AQP2: variants seen among roughly 807,000 people sequenced by gnomAD.
The protein encoded by AQP2 is aquaporin 2, also known as aquaporin-2.
Under a neutral mutation model 21.6 loss-of-function variants are expected in AQP2, and 20 were observed. The ratio of observed to expected loss-of-function variants is 0.92; its 90% CI spans 0.65 to 1.34. The LOEUF (loss-of-function observed/expected upper bound fraction) is 1.34. Ranked by LOEUF, AQP2 falls within the 40% of genes most tolerant of loss-of-function variation. The pLI is 0.00. For synonymous variants in AQP2, 168 were observed against 166.9 expected (o/e 1.01, Z -0.05); for missense variants, 325 against 363.4 (o/e 0.89, Z 0.86).
chr12:49,955,490 G>T lies in AQP2; in HGVS notation c.698G>T (p.Arg233Leu). ...CCGCCAGCCAAGAGCCTGTCGGAGC[G>T]CCTGGCAGTGCTGAAGGGCCTGGAG... ...LFPPAKSLSE[R>L]LAVLKGLEPD... The change falls in exon 4 of 4, where the codon CGC becomes CTC. Residue 233 changes from arginine (R) to leucine (L), a missense_variant. Physicochemically the swap from Arg to Leu is moderately radical, Grantham distance 102. Coordinates refer to ENST00000199280, the MANE Select transcript of AQP2 (RefSeq NM_000486.6). 3 of 1,612,804 alleles carry T rather than the reference G, an allele frequency of 1.9e-6. No individual in the cohort carries two copies. The highest frequency in any genetic ancestry group is 2.5e-6 in the Non-Finnish European group (3 of 1,179,836).
chr12:49,954,615 C>T lies in AQP2; in HGVS notation c.526-15C>T, dbSNP rs1356927786. ...TCACCTCCCTTCTCTCTTTGATGCC[C>T]TCCTCCCACTGCAGATCCATTACAC... On this transcript the variant is annotated splice_polypyrimidine_tract_variant and intron_variant, in intron 2 of 3. Coordinates refer to ENST00000199280, the MANE Select transcript of AQP2 (RefSeq NM_000486.6). 2.5e-6 allele frequency: 4 copies of T among 1,613,930 alleles called. No individual in the cohort carries two copies. Among genetic ancestry groups the T allele is most frequent in the Non-Finnish European group, 3.4e-6 (4 of 1,179,780 alleles).
chr12:49,954,096 T>C (rs1226996874), intron 1 of AQP2, 59 bp from the exon 2 acceptor site: 23 of 1,593,412 alleles, frequency 1.4e-5, no homozygotes, highest in Non-Finnish European at 1.8e-5. Context: ...GACAGGAAGA[T>C]GGAGCCAGAG....
In AQP2 at chr12:49,955,542, G is replaced by C. The variant is rs1592816980; in HGVS notation, c.750G>C (p.Glu250Asp). ...CGGACACCGATTGGGAGGAGCGCGAGGTGCGACGGCGGCAGTCGGTGGAGC... is the reference window on the plus strand; with the variant it reads ...CGGACACCGATTGGGAGGAGCGCGACGTGCGACGGCGGCAGTCGGTGGAGC... The part of the protein sequence containing the change: ...LEPDTDWEER[E>D]VRRRQSVELH... Residue 250 changes from glutamate (E) to aspartate (D), a missense_variant, in exon 4 of 4, where the codon GAG (glutamate) becomes GAC (aspartate). By Grantham distance (45) the Glu-to-Asp change is conservative. Transcript: ENST00000199280. The C allele has an allele frequency of 6.2e-7, 1 of 1,608,994 alleles. No homozygotes were observed. The highest frequency in any genetic ancestry group is 8.5e-7 in the Non-Finnish European group (1 of 1,178,912).
Position 49,951,153 on chromosome 12 carries a change from C to T in AQP2, c.323C>T (p.Thr108Met), listed in dbSNP as rs1468828294. The T allele has an allele frequency of 3.1e-6, 5 of 1,606,476 alleles. No homozygotes were observed. In the East Asian group the frequency reaches 6.7e-5, roughly 22 times the overall value. The change falls in exon 1 of 4, where the codon ACG (threonine) becomes ATG (methionine). Residue 108 changes from threonine (T) to methionine (M), a missense_variant. Thr to Met is a moderately conservative substitution (Grantham distance 81, BLOSUM62 -1). Transcript: ENST00000199280. ...GGAGCCGCTCTGCTCCATGAGATCA[C>T]GCCAGCAGACATCCGCGGGGACCTG... ...VAGAALLHEI[T>M]PADIRGDLAV...
At position 49,950,795 on chromosome 12, in the gene AQP2, T is replaced by C; in HGVS notation, c.-36T>C. ...GCGAGTGCCCGGAGCATCCTGGCCC[T>C]GAGACAGCTGGGCCAGCCCCGCAGG... On this transcript the variant is annotated 5_prime_UTR_variant, in exon 1 of 4. Coordinates refer to ENST00000199280, the MANE Select transcript of AQP2 (RefSeq NM_000486.6). 6.3e-7 allele frequency: 1 copy of C among 1,595,582 alleles called. No homozygotes were observed. The highest frequency in any genetic ancestry group is 2.3e-5 in the East Asian group (1 of 44,380).
intron 1 of AQP2, among the ~76,000 whole-genome samples, chr12:49,952,963 A>C (rs1947340416): frequency 6.6e-6 from 1 of 152,216 alleles, no homozygotes; most frequent in Non-Finnish European, 1.5e-5. Context: ...GGTTCCCCCT[A>C]TGGTGAGTGG....
chr12:49,951,214 C>A lies in AQP2; in HGVS notation c.360+24C>A, dbSNP rs1164825650. The A allele has an allele frequency of 3.8e-6, 6 of 1,595,874 alleles. No homozygotes were observed. In the African/African-American group the frequency reaches 8.0e-5, roughly 21 times the overall value. ...CTGTGAGTAGCCACAACTTTGCCAT[C>A]CACAAGGGGCAGGTCCTGGGGAATC... is the stretch of plus-strand genomic sequence containing the variant. On this transcript the variant is annotated intron_variant, in intron 1 of 3. Transcript: ENST00000199280.
Position 49,954,671 on chromosome 12 carries a change from G to A in AQP2, c.567G>A (p.Leu189=), listed in dbSNP as rs1346326204. ...TGCSMNPARS[L]APAVVTGKFD... The stretch of plus-strand genomic sequence containing the variant: ...GCTCTATGAATCCTGCCCGCTCCCT[G>A]GCTCCAGCTGTCGTCACTGGCAAAT... Residue 189 remains leucine, a synonymous_variant, in exon 3 of 4, where the codon CTG becomes CTA. Coordinates refer to ENST00000199280, the MANE Select transcript of AQP2 (RefSeq NM_000486.6). 1.9e-6 allele frequency: 3 copies of A among 1,614,028 alleles called. No homozygotes were observed. Among genetic ancestry groups the A allele is most frequent in the South Asian group, 2.2e-5 (2 of 91,088 alleles).
chr12:49,955,527 T>C lies in AQP2; in HGVS notation c.735T>C (p.Asp245=), dbSNP rs201195539. The C allele has an allele frequency of 4.5e-5, 72 of 1,611,630 alleles. No homozygotes were observed. The East Asian group carries it at 1.1e-3, about 25-fold the overall frequency. ...TGAAGGGCCTGGAGCCGGACACCGA[T>C]TGGGAGGAGCGCGAGGTGCGACGGC... ...AVLKGLEPDT[D]WEEREVRRRQ... is the part of the protein sequence containing the mutation. Residue 245 remains aspartate, a synonymous_variant, in exon 4 of 4, where the codon GAT becomes GAC. Coordinates refer to ENST00000199280, the MANE Select transcript of AQP2 (RefSeq NM_000486.6).
At chr12:49,955,355 G>A (rs747501600) in intron 3 of AQP2, 44 bp from the exon 4 acceptor site, 2 of 1,593,548 alleles carry the variant, frequency 1.3e-6, no homozygotes, top group Non-Finnish European at 1.7e-6. Context: ...TCCGCGTGCC[G>A]GTGCCGGCGC....
At chr12:49,955,254 TGTC>T (rs1947357998) in intron 3 of AQP2, 142 bp from the exon 4 acceptor site, 1 of 908,128 alleles carries the variant, frequency 1.1e-6, no homozygotes, top group Non-Finnish European at 1.6e-6. Flanking sequence ...CAGCTGGCGT[TGTC>T]GTTGTAATTA....
chr12:49,950,762 G>T lies in AQP2; in HGVS notation c.-69G>T. On this transcript the variant is annotated 5_prime_UTR_variant, in exon 1 of 4. Coordinates refer to ENST00000199280, the MANE Select transcript of AQP2 (RefSeq NM_000486.6). ...AGGCCTTGAGAAAGAGAGCGATAGA[G>T]TGCGAGAGCGAGTGCCCGGAGCATC... 1 of 1,569,532 alleles carries T rather than the reference G, an allele frequency of 6.4e-7. No homozygotes were observed. Among genetic ancestry groups the T allele is most frequent in the Non-Finnish European group, 8.6e-7 (1 of 1,156,468 alleles).
intron 1 of AQP2, among the ~76,000 whole-genome samples, chr12:49,953,109 A>C (rs1219830611): frequency 6.6e-6 from 1 of 152,176 alleles, no homozygotes. Context: ...AAGTAGTCCC[A>C]TGGCAAGTCA....
rs60629501 is a variant in AQP2 at position 49,951,175 on chromosome 12, C to G, written c.345C>G (p.Asp115Glu). 5 of 1,605,332 alleles carry G rather than the reference C, an allele frequency of 3.1e-6. No homozygotes were observed. The South Asian group carries it at 5.6e-5, about 18-fold the overall frequency. ...HEITPADIRG[D>E]LAVNALSNST... ...TCACGCCAGCAGACATCCGCGGGGA[C>G]CTGGCTGTCAATGCTGTGAGTAGCC... Residue 115 changes from aspartate to glutamate, a missense_variant, in exon 1 of 4, where the codon GAC (aspartate) becomes GAG (glutamate). Coordinates refer to ENST00000199280, the MANE Select transcript of AQP2 (RefSeq NM_000486.6).
Position 49,957,190 on chromosome 12 carries a change from G to A in AQP2, c.*1582G>A, listed in dbSNP as rs1947377039. On this transcript the variant is annotated 3_prime_UTR_variant, in exon 4 of 4. Transcript: ENST00000199280. ...TTTCGTTGATGGCCAAAGCAAAGGA[G>A]AGTCCTGGGAGCCCACAAGATCCAG... The A allele has an allele frequency of 6.6e-6, 1 of 152,278 alleles. No homozygotes were observed. Among genetic ancestry groups the A allele is most frequent in the Admixed American group, 6.5e-5 (1 of 15,286 alleles). 9.4% of individuals were successfully genotyped at this position (152,278 alleles called of 1,614,324 possible). A position where few individuals can be genotyped will look rare whatever the true frequency, so the allele number is the denominator to read the frequency against.
rs373700329 is a variant in AQP2, at chr12:49,954,227, A to G, written c.433A>G (p.Ile145Val). The G allele has an allele frequency of 6.6e-5, 106 of 1,604,878 alleles. No individual in the cohort carries two copies. In the Middle Eastern group the frequency reaches 1.3e-3, roughly 20 times the overall value. Reference sequence around the variant, plus strand: ...CCTGACACTGCAGCTGGTGCTCTGCATCTTCGCCTCCACCGATGAGCGCCG... The same window carrying G: ...CCTGACACTGCAGCTGGTGCTCTGCGTCTTCGCCTCCACCGATGAGCGCCG... ...LFLTLQLVLC[I>V]FASTDERRGE... Residue 145 changes from isoleucine to valine, a missense_variant, in exon 2 of 4, where the codon ATC becomes GTC. Transcript: ENST00000199280.
rs995684800 is a variant in AQP2, at chr12:49,950,970, C to T, written c.140C>T (p.Ala47Val). The change falls in exon 1 of 4, where the codon GCG (alanine) becomes GTG (valine). Residue 47 changes from alanine (A) to valine (V), a missense_variant. By Grantham distance (64) the Ala-to-Val change is moderately conservative. Transcript: ENST00000199280. ...ALPSVLQIAM[A>V]FGLGIGTLVQ... is the part of the protein sequence containing the mutation. ...CCCTCTGTGCTACAGATTGCCATGG[C>T]GTTTGGCTTGGGTATTGGCACCCTG... The T allele has an allele frequency of 4.3e-6, 7 of 1,614,188 alleles. No homozygotes were observed. The highest frequency in any genetic ancestry group is 2.2e-5 in the East Asian group (1 of 44,878).
chr12:49,954,052 G>T (rs778080679), intron 1 of AQP2, 103 bp from the exon 2 acceptor site: 65 of 1,514,178 alleles, frequency 4.3e-5, no homozygotes, highest in Non-Finnish European at 5.7e-5. Context: ...CCGGCTCCCA[G>T]CCCAGAGGCC....
rs1196686321 is a variant in AQP2 at position 49,957,815 on chromosome 12, G to A, written c.*2207G>A. 1 of 152,162 alleles carries A rather than the reference G, an allele frequency of 6.6e-6. No homozygotes were observed. The highest frequency in any genetic ancestry group is 1.5e-5 in the Non-Finnish European group (1 of 68,050). 9.4% of individuals were successfully genotyped at this position (152,162 alleles called of 1,614,324 possible). On this transcript the variant is annotated 3_prime_UTR_variant, in exon 4 of 4. Transcript: ENST00000199280. ...CAAAGGCAGCAAGGCAGTGAGCTAT[G>A]AGCCCAGCATGGATGTGTCTCAGGC...
Sources: allele counts gnomAD v4.1 joint callset (sites outside exome capture counted in the v4.1 genomes callset), GRCh38; gene constraint gnomAD v4.1.1; transcripts MANE v1.5; gene names NCBI Gene and HGNC (gene_info 2026-07-23, HGNC 2026-07-21).